The following PURG variants were observed in gnomAD, a reference collection of about 807,000 sequenced individuals.
The protein encoded by PURG is purine rich element binding protein G.
PURG carries 3 observed loss-of-function variants against 24.3 expected under a neutral mutation model. The observed-to-expected ratio is 0.12, with a 90% CI of 0.06 to 0.32. The LOEUF (loss-of-function observed/expected upper bound fraction) is 0.32. Ranked by LOEUF, PURG falls within the 10% of genes least tolerant of loss-of-function variation. PURG has a pLI of 1.00. For missense variants in PURG, 371 were observed against 439.1 expected, an observed-to-expected ratio of 0.84 and a Z score of 1.39; for synonymous variants, 180 against 173.1, an observed-to-expected ratio of 1.04 and a Z score of -0.31.
intron 1 of PURG, among the ~76,000 whole-genome samples, chr8:30,998,125 C>A (rs1355273825): frequency 6.6e-6 from 1 of 151,628 alleles, no homozygotes. Flanking sequence ...AAAAATTGTT[C>A]AATGAAAAAG....
rs28398025 is a variant in PURG at position 31,022,378 on chromosome 8, C to T, written c.864+9541G>A. On this transcript the variant is annotated intron_variant, in intron 1 of 1. Coordinates refer to the PURG transcript ENST00000339382. ...GAACTGACCTTTCAGTTCATGTCAT[C>T]CCAAGTCAAATCTGTTTTCTATTCA... 5.6e-3 allele frequency among the ~76,000 whole-genome samples: 852 copies of T among 152,304 alleles called. 5 individuals are homozygous for T. The highest frequency in any genetic ancestry group is 0.02 in the African/African-American group (821 of 41,562).
chr8:31,007,381 A>G (rs1263916143), intron 1 of PURG, among the ~76,000 whole-genome samples: 2 of 152,188 alleles, frequency 1.3e-5, no homozygotes, highest in African/African-American at 4.8e-5. Context: ...AGTGTGATCA[A>G]CCTTTAAAAA....
intron 1 of PURG, among the ~76,000 whole-genome samples, chr8:31,018,601 T>C (rs1392498300): frequency 6.6e-6 from 1 of 152,168 alleles, no homozygotes; most frequent in Non-Finnish European, 1.5e-5. Flanking sequence ...TTTAAAAAAG[T>C]TACATTGCCT....
chr8:31,032,205 C>A lies in PURG; in HGVS notation c.578G>T (p.Gly193Val). 6.2e-7 allele frequency: 1 copy of A among 1,614,224 alleles called. No individual in the cohort carries two copies. Among genetic ancestry groups the A allele is most frequent in the Non-Finnish European group, 8.5e-7 (1 of 1,180,040 alleles). ...YYLDLKENQRGRFLRIRQTMM... is the reference protein window; with the variant it reads ...YYLDLKENQRVRFLRIRQTMM... ...GGTTTGTCTAATCCGTAGGAAGCGA[C>A]CCCGCTGATTTTCCTTTAGGTCTAG... Residue 193 changes from glycine to valine, a missense_variant, in exon 2 of 2, where the codon GGT becomes GTT. By Grantham distance (109) the Gly-to-Val change is moderately radical. Transcript: ENST00000523392. The surrounding 1 kb of genome is among the most constrained non-coding windows in gnomAD (Gnocchi z 5.9).
intron 1 of PURG, among the ~76,000 whole-genome samples, chr8:31,002,736 G>A (rs892434555): frequency 2.6e-5 from 4 of 152,102 alleles, no homozygotes; most frequent in Admixed American, 6.5e-5. Flanking sequence ...CACTTGCCTC[G>A]GCCTCCCAAA....
At position 31,032,230 on chromosome 8, in the gene PURG, G is replaced by T. The variant is rs1193868559; in HGVS notation, c.553C>A (p.Leu185Ile). 1 of 1,614,194 alleles carries T rather than the reference G, an allele frequency of 6.2e-7. No homozygotes were observed. The part of the protein sequence containing the change: ...YIERDNRKYY[L>I]DLKENQRGRF... The stretch of plus-strand genomic sequence containing the variant: ...CCCCGCTGATTTTCCTTTAGGTCTA[G>T]GTAATATTTCCTATTGTCCCTCTCG... Residue 185 changes from leucine (L) to isoleucine (I), a missense_variant, in exon 2 of 2, where the codon CTA becomes ATA. Leu to Ile is a conservative substitution (Grantham distance 5). This residue lies in a region of PURG where 9 missense variants were observed against 27.0 expected (regional missense o/e 0.33). Coordinates refer to ENST00000523392, the MANE Select transcript of PURG (RefSeq NM_001323311.2). This position sits in a 1 kb window ranked among gnomAD's most constrained non-coding sequence, Gnocchi z 5.9.
intron 1 of PURG, among the ~76,000 whole-genome samples, chr8:31,011,100 T>G (rs1810752113): frequency 6.6e-6 from 1 of 152,236 alleles, no homozygotes. Context: ...CACTGATGGA[T>G]TTTTGTCAAT....
intron 1 of PURG, among the ~76,000 whole-genome samples, chr8:31,012,228 A>T (rs781022717): frequency 6.6e-6 from 1 of 152,244 alleles, no homozygotes; most frequent in African/African-American, 2.4e-5. Context: ...TTAAGTTTAA[A>T]ATATACTCCA....
chr8:31,005,724 G>A (rs1352748341), intron 1 of PURG, among the ~76,000 whole-genome samples: 3 of 150,832 alleles, frequency 2.0e-5, no homozygotes, highest in Non-Finnish European at 4.4e-5. Flanking sequence ...AATGAAACAC[G>A]ACATTCCTTC....
chr8:30,997,685 G>T (rs1810456221), intron 1 of PURG, among the ~76,000 whole-genome samples: 1 of 151,656 alleles, frequency 6.6e-6, no homozygotes, highest in African/African-American at 2.4e-5. Flanking sequence ...AGTGGAGTTT[G>T]TCCACTTTGA....
chr8:31,005,777 T>C (rs1440886620), intron 1 of PURG, among the ~76,000 whole-genome samples: 1 of 135,470 alleles, frequency 7.4e-6, no homozygotes, highest in African/African-American at 2.5e-5. Flanking sequence ...TTTTCTTTTT[T>C]TTTTTTTTCA....
intron 1 of PURG, among the ~76,000 whole-genome samples, chr8:30,998,207 C>T (rs1025067012): frequency 1.3e-5 from 2 of 151,738 alleles, no homozygotes; most frequent in African/African-American, 2.4e-5. Flanking sequence ...CTTGTTATCA[C>T]ATATACTTTT....
exon 2 of PURG, chr8:30,996,463 T>G: frequency 1.7e-6 from 1 of 585,198 alleles, no homozygotes; most frequent in South Asian, 2.6e-5. Context: ...ATGATGCCAG[T>G]GGTGTTGATA....
Position 31,032,051 on chromosome 8 carries a change from G to A in PURG, c.732C>T (p.Gly244=), listed in dbSNP as rs913565647. 3.7e-6 allele frequency: 6 copies of A among 1,613,948 alleles called. No homozygotes were observed. Among genetic ancestry groups the A allele is most frequent in the Admixed American group, 3.3e-5 (2 of 59,992 alleles). Residue 244 remains glycine (G), a synonymous_variant, in exon 2 of 2, where the codon GGC becomes GGT. Coordinates refer to ENST00000523392, the MANE Select transcript of PURG (RefSeq NM_001323311.2). This position sits in a 1 kb window ranked among gnomAD's most constrained non-coding sequence, Gnocchi z 5.9. ...DALVQLIEDY[G]EGDIEERRGG... is the part of the protein sequence containing the mutation. Reference sequence around the variant, plus strand: ...CTCTTCGTTCTTCTATGTCTCCTTCGCCATAGTCTTCAATCAGCTGAACCA... The same window carrying A: ...CTCTTCGTTCTTCTATGTCTCCTTCACCATAGTCTTCAATCAGCTGAACCA...
intron 1 of PURG, among the ~76,000 whole-genome samples, chr8:31,006,918 T>A (rs947796321): frequency 2.0e-5 from 3 of 152,206 alleles, no homozygotes; most frequent in Admixed American, 6.5e-5. Context: ...TAGTTTTTTT[T>A]AAAAAGCTCT....
chr8:31,033,104 C>T lies in PURG; in HGVS notation c.-33G>A, dbSNP rs1408015135. The T allele has an allele frequency of 1.3e-4, 30 of 224,550 alleles. No homozygotes were observed. In the East Asian group the frequency reaches 2.2e-3, roughly 17 times the overall value. The allele number at this position is 224,550 out of a possible 1,614,324, so 13.9% of individuals were successfully genotyped here. A position where few individuals can be genotyped will look rare whatever the true frequency, so the allele number is the denominator to read the frequency against. ...TCATCTCTGCCATCACCGCCGCCGCCGATGCCCTTCACGACCACCGCCGCC... is the reference window on the plus strand; with the variant it reads ...TCATCTCTGCCATCACCGCCGCCGCTGATGCCCTTCACGACCACCGCCGCC... On this transcript the variant is annotated 5_prime_UTR_variant, in exon 1 of 2. Coordinates refer to ENST00000523392, the MANE Select transcript of PURG (RefSeq NM_001323311.2).
At position 31,032,966 on chromosome 8, in the gene PURG, G is replaced by T; in HGVS notation, c.-7+112C>A. 1 of 205,906 alleles carries T rather than the reference G, an allele frequency of 4.9e-6. No homozygotes were observed. Among genetic ancestry groups the T allele is most frequent in the Non-Finnish European group, 8.6e-6 (1 of 116,148 alleles). 12.8% of individuals were successfully genotyped at this position (205,906 alleles called of 1,614,324 possible). On this transcript the variant is annotated intron_variant, in intron 1 of 1. Coordinates refer to ENST00000523392, the MANE Select transcript of PURG (RefSeq NM_001323311.2). The surrounding 1 kb of genome is among the most constrained non-coding windows in gnomAD (Gnocchi z 5.9). ...CCGGCCGGTTGGCGGCCGCCGCTCC[G>T]GCTCTGCCCGCGCTCCCCGCATCCC...
chr8:30,997,228 T>G (rs529856472), intron 1 of PURG, among the ~76,000 whole-genome samples: 21 of 151,902 alleles, frequency 1.4e-4, no homozygotes, highest in Non-Finnish European at 2.7e-4. Flanking sequence ...AAAATCCCAC[T>G]AGGACCAACA....
intron 1 of PURG, among the ~76,000 whole-genome samples, chr8:31,013,918 G>A (rs1272945422): frequency 4.0e-5 from 6 of 151,842 alleles, no homozygotes; most frequent in Admixed American, 1.3e-4. Flanking sequence ...TGAGAGGAGC[G>A]CTGAAAACAA....
Sources: gnomAD v4.1 joint callset for allele counts (sites outside exome capture counted in the v4.1 genomes callset) on GRCh38, gnomAD v4.1.1 for gene constraint, gnomAD v4.1.1 regional missense constraint, Gnocchi (gnomAD v3.1) non-coding constraint, MANE v1.5 for transcripts, NCBI Gene and HGNC (gene_info 2026-07-23, HGNC 2026-07-21) for gene names.